The following CPEB3 variants were observed in gnomAD, a reference collection of about 807,000 sequenced individuals.
The protein encoded by CPEB3 is cytoplasmic polyadenylation element binding protein 3, also known as cytoplasmic polyadenylation element-binding protein 3.
A neutral mutation model predicts 67.2 loss-of-function variants in CPEB3; 20 were observed. That is an observed-to-expected ratio of 0.30 (90% CI 0.21 to 0.43). CPEB3 has a LOEUF of 0.43. Ranked by LOEUF, CPEB3 falls within the 20% of genes least tolerant of loss-of-function variation. The pLI is 1.00. For missense variants in CPEB3, 746 were observed against 968.6 expected, an observed-to-expected ratio of 0.77 and a Z score of 3.05; for synonymous variants, 376 against 393.1, an observed-to-expected ratio of 0.96 and a Z score of 0.51.
At chr10:92,274,848 A>C (rs1841903405) in intron 1 of CPEB3, among the ~76,000 whole-genome samples, 1 of 152,148 alleles carries the variant, frequency 6.6e-6, no homozygotes, top group African/African-American at 2.4e-5. Flanking sequence ...AAAATAAAAT[A>C]AATGTAGTTC....
intron 1 of CPEB3, among the ~76,000 whole-genome samples, chr10:92,258,676 AT>A (rs1333370072): frequency 8.8e-6 from 1 of 113,028 alleles, no homozygotes; most frequent in Non-Finnish European, 1.8e-5. Context: ...ATATATATAT[AT>A]ATTTCATGTA....
intron 3 of CPEB3, among the ~76,000 whole-genome samples, chr10:92,188,507 G>A (rs577750905): frequency 1.6e-3 from 241 of 151,724 alleles, no homozygotes; most frequent in South Asian, 5.8e-3. Context: ...AGATGACAAG[G>A]TCAGGAGTTC....
chr10:92,224,905 A>T (rs1239283345), intron 2 of CPEB3, among the ~76,000 whole-genome samples: 1 of 147,676 alleles, frequency 6.8e-6, no homozygotes, highest in Non-Finnish European at 1.5e-5. Context: ...AAATATATAT[A>T]TTTTATATAT....
intron 4 of CPEB3, among the ~76,000 whole-genome samples, chr10:92,149,754 T>C (rs1315408847): frequency 6.6e-6 from 1 of 152,146 alleles, no homozygotes; most frequent in Non-Finnish European, 1.5e-5. Flanking sequence ...TGGGTAATAA[T>C]TAAGAATATA....
At chr10:92,052,727 C>T (rs991872283) in intron 9 of CPEB3, among the ~76,000 whole-genome samples, 2 of 152,224 alleles carry the variant, frequency 1.3e-5, no homozygotes, top group Non-Finnish European at 2.9e-5. Flanking sequence ...TACACACACA[C>T]ATTTGTGTAA....
chr10:92,152,436 C>T (rs555573687), intron 4 of CPEB3, among the ~76,000 whole-genome samples: 16 of 152,274 alleles, frequency 1.1e-4, no homozygotes, highest in East Asian at 7.7e-4. Context: ...GTAATGTTTT[C>T]GAGGTTTATG....
chr10:92,089,375 A>G (rs1843516103), intron 8 of CPEB3, among the ~76,000 whole-genome samples: 1 of 152,200 alleles, frequency 6.6e-6, no homozygotes, highest in Admixed American at 6.5e-5. Context: ...AGCTATGCTT[A>G]AGGGAAGTGT....
intron 1 of CPEB3, among the ~76,000 whole-genome samples, chr10:92,290,113 T>G (rs868137302): frequency 1.1e-4 from 17 of 152,118 alleles, no homozygotes; most frequent in African/African-American, 3.9e-4. Context: ...AAAAAGAGCT[T>G]TAAAAACACA....
At chr10:92,148,112 T>C (rs539403723) in intron 4 of CPEB3, among the ~76,000 whole-genome samples, 2 of 152,180 alleles carry the variant, frequency 1.3e-5, no homozygotes, top group Non-Finnish European at 2.9e-5. Flanking sequence ...AATTTGAACA[T>C]GTAAGCACAC....
intron 6 of CPEB3, among the ~76,000 whole-genome samples, chr10:92,140,696 C>G (rs1846364015): frequency 7.2e-6 from 1 of 138,780 alleles, no homozygotes; most frequent in African/African-American, 2.7e-5. Context: ...AACAGGCAAC[C>G]TACAAAATGG....
intron 1 of CPEB3, among the ~76,000 whole-genome samples, chr10:92,272,528 T>A (rs967189113): frequency 7.9e-5 from 12 of 152,180 alleles, no homozygotes; most frequent in African/African-American, 2.2e-4. Flanking sequence ...CTCAAGAGTG[T>A]GTATTGATAT....
At chr10:92,215,253 A>G (rs917436769) in intron 2 of CPEB3, among the ~76,000 whole-genome samples, 3 of 151,606 alleles carry the variant, frequency 2.0e-5, no homozygotes, top group African/African-American at 7.3e-5. Flanking sequence ...CCTGGGTTCA[A>G]TCGATTCTCC....
At chr10:92,120,769 C>T (rs1009615589) in intron 6 of CPEB3, among the ~76,000 whole-genome samples, 5 of 151,856 alleles carry the variant, frequency 3.3e-5, no homozygotes, top group Admixed American at 2.6e-4. Flanking sequence ...GGCATGATCT[C>T]GGCTCACTGC....
chr10:92,220,247 A>G (rs1410857412), intron 2 of CPEB3, among the ~76,000 whole-genome samples: 2 of 152,178 alleles, frequency 1.3e-5, no homozygotes, highest in Admixed American at 1.3e-4. Context: ...CCATTCACTA[A>G]AAGTCTTAGT....
At chr10:92,159,414 G>A (rs1847359825) in intron 4 of CPEB3, among the ~76,000 whole-genome samples, 1 of 152,104 alleles carries the variant, frequency 6.6e-6, no homozygotes. Flanking sequence ...GCTCACGTTT[G>A]TAATCCCAGC....
intron 8 of CPEB3, among the ~76,000 whole-genome samples, chr10:92,084,902 A>C (rs972595987): frequency 1.3e-5 from 2 of 152,152 alleles, no homozygotes; most frequent in African/African-American, 4.8e-5. Flanking sequence ...AACTACAGAA[A>C]GTCTAATACT....
intron 5 of CPEB3, 82 bp downstream of exon 5, chr10:92,144,852 ATGTCCTAAAGT>A: frequency 9.0e-7 from 1 of 1,113,050 alleles, no homozygotes; most frequent in South Asian, 1.4e-5. Context: ...TAAGATATAG[ATGTCCTAAAGT>A]TGACTTGGAG....
chr10:92,194,292 T>C (rs1849126105), intron 2 of CPEB3, among the ~76,000 whole-genome samples: 1 of 151,618 alleles, frequency 6.6e-6, no homozygotes, highest in East Asian at 2.0e-4. Flanking sequence ...ATACAAAAAT[T>C]AGCTGGGCAT....
At chr10:92,116,815 T>C (rs1845051677) in intron 6 of CPEB3, among the ~76,000 whole-genome samples, 2 of 152,192 alleles carry the variant, frequency 1.3e-5, no homozygotes, top group South Asian at 2.1e-4. Context: ...ACAGGTAGAA[T>C]GGATGGCCGA....
Sources: allele counts gnomAD v4.1 joint callset (sites outside exome capture counted in the v4.1 genomes callset), GRCh38; gene constraint gnomAD v4.1.1; transcripts MANE v1.5; gene names NCBI Gene and HGNC (gene_info 2026-07-23, HGNC 2026-07-21).